The following PPP2R3A variants were observed in gnomAD, a reference collection of about 807,000 sequenced individuals.
PPP2R3A encodes protein phosphatase 2 regulatory subunit B''alpha.
A neutral mutation model predicts 106.9 loss-of-function variants in PPP2R3A; 80 were observed. That is an observed-to-expected ratio of 0.75 (90% CI 0.62 to 0.90). The LOEUF (loss-of-function observed/expected upper bound fraction) is 0.90. Among genes scored for constraint, PPP2R3A ranks in the 40% least tolerant of loss-of-function variants. The pLI, the probability that PPP2R3A is intolerant of heterozygous loss-of-function variation, is 0.00. For missense variants in PPP2R3A, 1,386 were observed against 1,350.4 expected, an observed-to-expected ratio of 1.03 and a Z score of -0.41; for synonymous variants, 483 against 468.3, an observed-to-expected ratio of 1.03 and a Z score of -0.41.
At chr3:136,020,281 A>G (rs1253516247) in intron 2 of PPP2R3A, among the ~76,000 whole-genome samples, 1 of 152,128 alleles carries the variant, frequency 6.6e-6, no homozygotes. Context: ...ATGTCTATAT[A>G]AACATTTTAA....
chr3:136,056,362 T>A lies in PPP2R3A; in HGVS notation c.2469+7001T>A, dbSNP rs959045463. Among the ~76,000 whole-genome samples the A allele has an allele frequency of 1.0e-3, 152 of 152,332 alleles. 1 individual carries two copies. The highest frequency in any genetic ancestry group is 3.4e-3 in the African/African-American group (143 of 41,576). ...AAATAATGTGTCAATATCAGTTTAA[T>A]TTTAACAAGTGGACCATATAGTAAG... On this transcript the variant is annotated intron_variant, in intron 5 of 13. Coordinates refer to ENST00000264977, the MANE Select transcript of PPP2R3A (RefSeq NM_002718.5).
chr3:136,087,252 T>C (rs980344698), intron 8 of PPP2R3A, among the ~76,000 whole-genome samples: 4 of 107,952 alleles, frequency 3.7e-5, no homozygotes, highest in Non-Finnish European at 5.3e-5. Context: ...CGTGTCTCTC[T>C]CTCTCTCTCT....
At chr3:136,118,100 C>A (rs969541082) in intron 13 of PPP2R3A, among the ~76,000 whole-genome samples, 20 of 152,172 alleles carry the variant, frequency 1.3e-4, no homozygotes, top group Non-Finnish European at 2.8e-4. Context: ...GTAATTCCAT[C>A]ACATAAACAG....
At chr3:135,981,919 C>T (rs1273429431) in intron 1 of PPP2R3A, among the ~76,000 whole-genome samples, 1 of 151,614 alleles carries the variant, frequency 6.6e-6, no homozygotes, top group African/African-American at 2.4e-5. Context: ...GTTCAAAATG[C>T]ATTTAAACAG....
At chr3:135,997,911 A>G (rs978930631) in intron 1 of PPP2R3A, among the ~76,000 whole-genome samples, 8 of 152,152 alleles carry the variant, frequency 5.3e-5, no homozygotes, top group African/African-American at 1.4e-4. Context: ...TCTGGTTCCT[A>G]TCTATCCTCC....
intron 2 of PPP2R3A, among the ~76,000 whole-genome samples, chr3:136,014,440 C>T (rs953344672): frequency 2.0e-5 from 3 of 151,978 alleles, no homozygotes; most frequent in Non-Finnish European, 4.4e-5. Flanking sequence ...TGATCCTACC[C>T]ACCCATCCAT....
chr3:136,118,356 A>G (rs771653511), intron 13 of PPP2R3A, among the ~76,000 whole-genome samples: 15 of 152,242 alleles, frequency 9.9e-5, no homozygotes, highest in Non-Finnish European at 1.9e-4. Context: ...TATTCAACAT[A>G]GTATTTGAAG....
chr3:136,064,564 A>C (rs1370100697), intron 5 of PPP2R3A, among the ~76,000 whole-genome samples: 1 of 152,148 alleles, frequency 6.6e-6, no homozygotes, highest in Non-Finnish European at 1.5e-5. Flanking sequence ...AGCTAATGAA[A>C]ATTGTTTCCA....
At chr3:136,099,932 AAG>A (rs1247374128) in intron 10 of PPP2R3A, among the ~76,000 whole-genome samples, 1 of 151,704 alleles carries the variant, frequency 6.6e-6, no homozygotes, top group African/African-American at 2.4e-5. Flanking sequence ...AAAAAAAAAA[AAG>A]AGAAGGAGGG....
chr3:136,090,511 C>T, intron 9 of PPP2R3A, 67 bp from the exon 10 acceptor site: 1 of 1,301,038 alleles, frequency 7.7e-7, no homozygotes, highest in Non-Finnish European at 1.1e-6. Flanking sequence ...TATTTCTTAG[C>T]CTATCATCCT....
intron 11 of PPP2R3A, among the ~76,000 whole-genome samples, chr3:136,102,784 C>G (rs1335638547): frequency 6.6e-6 from 1 of 152,064 alleles, no homozygotes. Flanking sequence ...TGTGAGTAGC[C>G]ACTGCACTCC....
At chr3:135,975,859 G>A (rs973880584) in intron 1 of PPP2R3A, among the ~76,000 whole-genome samples, 1 of 151,962 alleles carries the variant, frequency 6.6e-6, no homozygotes, top group Non-Finnish European at 1.5e-5. Flanking sequence ...CTAATTAAAA[G>A]CACTGATAAT....
At chr3:136,101,485 C>T (rs1037924657) in intron 10 of PPP2R3A, among the ~76,000 whole-genome samples, 5 of 152,136 alleles carry the variant, frequency 3.3e-5, no homozygotes, top group Admixed American at 1.3e-4. Flanking sequence ...AGTGCAGCAG[C>T]GCAGTCTTGG....
intron 13 of PPP2R3A, among the ~76,000 whole-genome samples, chr3:136,130,217 A>T (rs1198890547): frequency 6.6e-6 from 1 of 152,182 alleles, no homozygotes; most frequent in Non-Finnish European, 1.5e-5. Context: ...GAAAAGAGGA[A>T]GTCAAATTGT....
chr3:136,020,980 GA>G (rs1447682767), intron 2 of PPP2R3A, among the ~76,000 whole-genome samples: 1 of 152,058 alleles, frequency 6.6e-6, no homozygotes, highest in Non-Finnish European at 1.5e-5. Context: ...TTTTGAGATG[GA>G]TCTTGAAAGA....
At chr3:136,141,233 A>G (rs1052465785) in intron 13 of PPP2R3A, among the ~76,000 whole-genome samples, 15 of 152,334 alleles carry the variant, frequency 9.8e-5, no homozygotes, top group African/African-American at 3.1e-4. Flanking sequence ...TGAGTAGTTG[A>G]TAACACCTAA....
intron 1 of PPP2R3A, among the ~76,000 whole-genome samples, chr3:135,967,935 C>G (rs1006500723): frequency 1.3e-5 from 2 of 152,104 alleles, no homozygotes; most frequent in Non-Finnish European, 2.9e-5. Context: ...GAATAGATAC[C>G]AGTAGCACTC....
intron 4 of PPP2R3A, among the ~76,000 whole-genome samples, chr3:136,046,238 G>A (rs988150297): frequency 9.9e-5 from 15 of 152,034 alleles, no homozygotes; most frequent in Non-Finnish European, 2.2e-4. Flanking sequence ...GATCACCTGA[G>A]GGTCAGGAGT....
At chr3:136,015,202 T>C (rs1934228791) in intron 2 of PPP2R3A, among the ~76,000 whole-genome samples, 1 of 152,204 alleles carries the variant, frequency 6.6e-6, no homozygotes. Flanking sequence ...ATTATCTTTT[T>C]AATAGGCTGT....
Sources: gnomAD v4.1 joint callset for allele counts (sites outside exome capture counted in the v4.1 genomes callset) on GRCh38, gnomAD v4.1.1 for gene constraint, MANE v1.5 for transcripts, NCBI Gene and HGNC (gene_info 2026-07-23, HGNC 2026-07-21) for gene names.